CREBBP: variants seen among roughly 807,000 people sequenced by gnomAD.
CREBBP encodes CREB-binding protein.
A neutral mutation model predicts 265.0 loss-of-function variants in CREBBP; 19 were observed. That is an observed-to-expected ratio of 0.07 (90% CI 0.05 to 0.11). The LOEUF (loss-of-function observed/expected upper bound fraction) is 0.11. CREBBP is among the 10% of genes least tolerant of loss of function. CREBBP has a pLI of 1.00. For missense variants in CREBBP, 2,525 were observed against 3,219.0 expected (o/e 0.78, Z 5.22); for synonymous variants, 1,457 against 1,223.7 (o/e 1.19, Z -3.98).
chr16:3,825,533 G>T (rs935465688), intron 2 of CREBBP, among the ~76,000 whole-genome samples: 2 of 152,040 alleles, frequency 1.3e-5, no homozygotes, highest in African/African-American at 4.8e-5. Flanking sequence ...CTAAGTGGAG[G>T]GCTCTGGACA....
chr16:3,845,438 A>G (rs1267453166), intron 2 of CREBBP, among the ~76,000 whole-genome samples: 1 of 152,218 alleles, frequency 6.6e-6, no homozygotes, highest in Non-Finnish European at 1.5e-5. Flanking sequence ...TTGAAAAGAG[A>G]ATAAAGTGTA....
chr16:3,733,892 T>C (rs149823493), intron 28 of CREBBP, among the ~76,000 whole-genome samples: 35 of 152,362 alleles, frequency 2.3e-4, no homozygotes, highest in Non-Finnish European at 4.4e-4. Flanking sequence ...TCCACCTGCC[T>C]TGGCCTCTCA....
chr16:3,821,605 A>G (rs2054142273), intron 2 of CREBBP, among the ~76,000 whole-genome samples: 1 of 152,216 alleles, frequency 6.6e-6, no homozygotes, highest in South Asian at 2.1e-4. Context: ...TTTTTTAGGT[A>G]GAAGAGTAGA....
In CREBBP at chr16:3,731,718, C is replaced by T. The variant is rs187845633; in HGVS notation, c.4890+58G>A. 3.0e-5 allele frequency: 48 copies of T among 1,610,160 alleles called. No individual in the cohort carries two copies. The highest frequency in any genetic ancestry group is 2.3e-4 in the Admixed American group (14 of 60,032). ...CACACGGGCCCACGCCCGCCAGCTG[C>T]GAGTCTTTCCCTCCTCCCGGCCAGA... On this transcript the variant is annotated intron_variant, in intron 29 of 30. Coordinates refer to ENST00000262367, the MANE Select transcript of CREBBP (RefSeq NM_004380.3). This position sits in a 1 kb window ranked among gnomAD's most constrained non-coding sequence, Gnocchi z 7.7.
chr16:3,817,893 A>G (rs2054068142), intron 2 of CREBBP, among the ~76,000 whole-genome samples: 1 of 152,054 alleles, frequency 6.6e-6, no homozygotes, highest in South Asian at 2.1e-4. Flanking sequence ...AAGATCTCCT[A>G]AAGATTAAGA....
Position 3,817,388 on chromosome 16 carries a change from C to T in CREBBP, c.799-6609G>A, listed in dbSNP as rs535030387. 2.4e-3 allele frequency among the ~76,000 whole-genome samples: 370 copies of T among 152,304 alleles called. 1 individual carries two copies. Among genetic ancestry groups the T allele is most frequent in the Non-Finnish European group, 4.1e-3 (277 of 68,030 alleles). On this transcript the variant is annotated intron_variant, in intron 2 of 30. Transcript: ENST00000262367. Reference sequence around the variant, plus strand: ...TTTTCTACTTGTAATGATATGACAGCTATCAAAACATTAGTAAGAAAACAA... The same window carrying T: ...TTTTCTACTTGTAATGATATGACAGTTATCAAAACATTAGTAAGAAAACAA...
chr16:3,813,902 G>A lies in CREBBP; in HGVS notation c.799-3123C>T, dbSNP rs538698668. Among the ~76,000 whole-genome samples, 3 of 152,330 alleles carry A rather than the reference G, an allele frequency of 2.0e-5. No homozygotes were observed. The East Asian group carries it at 5.8e-4, about 29-fold the overall frequency. On this transcript the variant is annotated intron_variant, in intron 2 of 30. Transcript: ENST00000262367. Reference sequence around the variant, plus strand: ...GGGTGACAGCTGAAGGGGTGGGGAAGGGAACAGGTAACCATCTTCCTTCCA... The same window carrying A: ...GGGTGACAGCTGAAGGGGTGGGGAAAGGAACAGGTAACCATCTTCCTTCCA...
intron 5 of CREBBP, among the ~76,000 whole-genome samples, chr16:3,789,185 G>A (rs541170729): frequency 4.6e-4 from 70 of 152,210 alleles, no homozygotes; most frequent in East Asian, 1.9e-4. Flanking sequence ...GCAGAGTCCC[G>A]GGGCCCCTAA....
intron 1 of CREBBP, among the ~76,000 whole-genome samples, chr16:3,866,158 A>C (rs1308117384): frequency 6.6e-6 from 1 of 152,228 alleles, no homozygotes; most frequent in Admixed American, 6.5e-5. Context: ...GGGCACTTTA[A>C]AGAAGAACTT....
At chr16:3,814,164 AGTGTGTGTGTGT>A (rs35866243) in intron 2 of CREBBP, among the ~76,000 whole-genome samples, 15 of 119,686 alleles carry the variant, frequency 1.3e-4, no homozygotes, top group Admixed American at 4.2e-4. Flanking sequence ...AATGTTGTTT[AGTGTGTGTGTGT>A]GTGTGTGTGT....
chr16:3,858,429 TAAG>T (rs2055006782), intron 1 of CREBBP, among the ~76,000 whole-genome samples: 1 of 152,184 alleles, frequency 6.6e-6, no homozygotes, highest in Admixed American at 6.5e-5. Flanking sequence ...CTCCTGGAAA[TAAG>T]AACTCTTTTA....
chr16:3,756,497 T>C (rs2052589961), intron 19 of CREBBP, among the ~76,000 whole-genome samples: 2 of 152,234 alleles, frequency 1.3e-5, no homozygotes, highest in Non-Finnish European at 2.9e-5. Flanking sequence ...TCTTTAGCCA[T>C]CTTCATATTC....
intron 2 of CREBBP, among the ~76,000 whole-genome samples, chr16:3,814,521 T>C (rs990889042): frequency 2.0e-5 from 3 of 151,968 alleles, no homozygotes; most frequent in African/African-American, 7.3e-5. Flanking sequence ...CCTCCCCAGG[T>C]GTTGGGATTA....
chr16:3,800,307 CAG>C (rs780005101), intron 3 of CREBBP, among the ~76,000 whole-genome samples: 1 of 152,080 alleles, frequency 6.6e-6, no homozygotes, highest in Non-Finnish European at 1.5e-5. Flanking sequence ...TTTGTAGAGA[CAG>C]AGTCTTGCCA....
chr16:3,764,484 C>G (rs2052799249), intron 16 of CREBBP, among the ~76,000 whole-genome samples: 1 of 151,918 alleles, frequency 6.6e-6, no homozygotes, highest in Admixed American at 6.6e-5. Flanking sequence ...CTACGTTGCC[C>G]AGGCTGGTCT....
Position 3,758,052 on chromosome 16 carries a change from A to G in CREBBP, c.3370-4T>C. ...TCTTTACGATGTCAAAATAGTCCTT[A>G]AAAAAAAAAAAATGGTCTCAGTATA... On this transcript the variant is annotated splice_region_variant and splice_polypyrimidine_tract_variant and intron_variant, in intron 17 of 30. Coordinates refer to ENST00000262367, the MANE Select transcript of CREBBP (RefSeq NM_004380.3). The G allele has an allele frequency of 2.7e-6, 1 of 370,840 alleles. No individual in the cohort carries two copies. Among genetic ancestry groups the G allele is most frequent in the Non-Finnish European group, 4.0e-6 (1 of 250,672 alleles). The allele number at this position is 370,840 out of a possible 1,614,324, so 23.0% of individuals were successfully genotyped here. A position where few individuals can be genotyped will look rare whatever the true frequency, so the allele number is the denominator to read the frequency against.
At chr16:3,866,776 CA>C (rs1334248216) in intron 1 of CREBBP, among the ~76,000 whole-genome samples, 4 of 152,126 alleles carry the variant, frequency 2.6e-5, no homozygotes, top group African/African-American at 9.7e-5. Context: ...ACACCATTAG[CA>C]TATCTTTCTA....
Position 3,850,885 on chromosome 16 carries a change from C to A in CREBBP, c.210G>T (p.Leu70=), listed in dbSNP as rs1410009363. 1.9e-6 allele frequency: 3 copies of A among 1,614,050 alleles called. No homozygotes were observed. The African/African-American group carries it at 4.0e-5, about 22-fold the overall frequency. The stretch of plus-strand genomic sequence containing the variant: ...CGCTGCCTCCTCGTAGAAGCTCCGA[C>A]AGTTGTTTATGTTTGGAAGCAGCAT... ...VPDAASKHKQ[L]SELLRGGSGS... Residue 70 remains leucine (L), a synonymous_variant, in exon 2 of 31, where the codon CTG becomes CTT. Transcript: ENST00000262367.
chr16:3,861,652 C>CAAAAAAA (rs368654449), intron 1 of CREBBP, among the ~76,000 whole-genome samples: 6 of 121,034 alleles, frequency 5.0e-5, no homozygotes, highest in African/African-American at 5.8e-5. Flanking sequence ...CTCTCTATAC[C>CAAAAAAA]AAAAAAAAAA....
Sources: gnomAD v4.1 joint callset for allele counts (sites outside exome capture counted in the v4.1 genomes callset) on GRCh38, gnomAD v4.1.1 for gene constraint, Gnocchi (gnomAD v3.1) non-coding constraint, MANE v1.5 for transcripts, NCBI Gene and HGNC (gene_info 2026-07-23, HGNC 2026-07-21) for gene names.